Variants in SHANK2 observed in about 807,000 individuals in gnomAD.
SHANK2 encodes the protein SH3 and multiple ankyrin repeat domains 2, also known as SH3 and multiple ankyrin repeat domains protein 2.
Under a neutral mutation model 133.7 loss-of-function variants are expected in SHANK2, and 43 were observed. The observed-to-expected ratio is 0.32, with a 90% CI of 0.25 to 0.41. SHANK2 has a LOEUF of 0.41. Among genes scored for constraint, SHANK2 ranks in the 10% least tolerant of loss-of-function variants. The pLI is 1.00. For missense variants in SHANK2, 1,994 were observed against 2,235.8 expected (o/e 0.89, Z 2.18); for synonymous variants, 1,017 against 952.8 (o/e 1.07, Z -1.24).
intron 14 of SHANK2, among the ~76,000 whole-genome samples, chr11:70,793,988 T>A (rs1947852632): frequency 6.6e-6 from 1 of 152,182 alleles, no homozygotes; most frequent in Non-Finnish European, 1.5e-5. Context: ...AATAAACATT[T>A]ATAAACTGCT....
chr11:70,570,614 T>C (rs530584744), intron 17 of SHANK2: 1 of 152,506 alleles, frequency 6.6e-6, no homozygotes, highest in African/African-American at 2.4e-5. Flanking sequence ...TCCAGTGGTG[T>C]GTGTGGGCTG....
intron 9 of SHANK2, among the ~76,000 whole-genome samples, chr11:71,066,479 C>T (rs1003850667): frequency 1.3e-3 from 199 of 152,144 alleles, no homozygotes; most frequent in African/African-American, 4.6e-3. Flanking sequence ...ATGGGCATGA[C>T]GTAAGAGAAG....
intron 2 of SHANK2, among the ~76,000 whole-genome samples, chr11:71,223,567 T>C (rs147000327): frequency 1.3e-5 from 2 of 152,316 alleles, no homozygotes; most frequent in East Asian, 3.9e-4. Context: ...ACTTAGGTTA[T>C]ATGAAAATAC....
chr11:70,815,571 C>T (rs1590714924), intron 12 of SHANK2, among the ~76,000 whole-genome samples: 1 of 152,200 alleles, frequency 6.6e-6, no homozygotes, highest in Non-Finnish European at 1.5e-5. Context: ...AGGCTGGGCC[C>T]GGTGAGCTCC....
At chr11:70,494,717 C>G (rs547210251) in intron 21 of SHANK2, among the ~76,000 whole-genome samples, 69 of 152,320 alleles carry the variant, frequency 4.5e-4, no homozygotes, top group African/African-American at 1.6e-3. Flanking sequence ...TTTGCCGACC[C>G]CTGGCCTGGA....
At chr11:70,715,912 C>T (rs540617173) in intron 14 of SHANK2, among the ~76,000 whole-genome samples, 18 of 152,332 alleles carry the variant, frequency 1.2e-4, no homozygotes, top group African/African-American at 4.1e-4. Flanking sequence ...GACTTGTCCA[C>T]GGCTGAGCTA....
intron 11 of SHANK2, among the ~76,000 whole-genome samples, chr11:70,887,760 C>T (rs534360454): frequency 6.6e-6 from 1 of 152,280 alleles, no homozygotes; most frequent in South Asian, 2.1e-4. Context: ...TTTTAATTTA[C>T]CCACTTTGAA....
chr11:70,889,469 C>A (rs1949805421), intron 11 of SHANK2, among the ~76,000 whole-genome samples: 1 of 152,212 alleles, frequency 6.6e-6, no homozygotes, highest in Admixed American at 6.5e-5. Context: ...GGGTACACAG[C>A]CCATCCCTGG....
chr11:70,808,022 G>A (rs1320561784), intron 12 of SHANK2, among the ~76,000 whole-genome samples: 1 of 152,118 alleles, frequency 6.6e-6, no homozygotes, highest in Non-Finnish European at 1.5e-5. Context: ...AGAATGGGGA[G>A]TGAGGGTTCA....
Position 70,501,904 on chromosome 11 carries a change from A to G in SHANK2, c.2287+19T>C, listed in dbSNP as rs7928538. 33,433 of 1,559,284 alleles carry G rather than the reference A, an allele frequency of 0.021. 686 individuals carry two copies. Among genetic ancestry groups the G allele is most frequent in the South Asian group, 0.081 (6,830 of 84,468 alleles). The stretch of plus-strand genomic sequence containing the variant: ...GACAGCAGGGGGAGCTGCTTTGGGG[A>G]CCCAGTGGGGCTGCTTACCTTTATC... On this transcript the variant is annotated intron_variant, in intron 20 of 25. Transcript: ENST00000601538.
Position 70,505,783 on chromosome 11 carries a change from G to A in SHANK2, c.2062-2852C>T, listed in dbSNP as rs1167104769. ...TCCTGAGGGCTCGTCGGGCTGATGGGGACTTTAACAGCCTGGCCACTTAGG... is the reference window on the plus strand; with the variant it reads ...TCCTGAGGGCTCGTCGGGCTGATGGAGACTTTAACAGCCTGGCCACTTAGG... On this transcript the variant is annotated intron_variant, in intron 17 of 25. Coordinates refer to ENST00000601538, the MANE Select transcript of SHANK2 (RefSeq NM_012309.5). Among the ~76,000 whole-genome samples the A allele has an allele frequency of 3.3e-5, 5 of 152,038 alleles. No homozygotes were observed. The East Asian group carries it at 9.7e-4, about 29-fold the overall frequency.
intron 11 of SHANK2, among the ~76,000 whole-genome samples, chr11:70,869,925 T>C (rs2135536043): frequency 6.6e-6 from 1 of 152,148 alleles, no homozygotes; most frequent in African/African-American, 2.4e-5. Flanking sequence ...GGCTCTGCCT[T>C]CTCACACACC....
rs1555153169 is a variant in SHANK2, at chr11:70,485,955, A to C, written c.4338T>G (p.Pro1446=). Residue 1446 remains proline (P), a synonymous_variant, in exon 25 of 26, where the codon CCT becomes CCG. Coordinates refer to ENST00000601538, the MANE Select transcript of SHANK2 (RefSeq NM_012309.5). This position sits in a 1 kb window ranked among gnomAD's most constrained non-coding sequence, Gnocchi z 5.8. The part of the protein sequence containing the change: ...DLVKQKKSDT[P]QSPSLNSSQP... ...GGCTGGAGTTCAACGAAGGGGACTG[A>C]GGGGTGTCGCTTTTCTTCTGCTTCA... The C allele has an allele frequency of 6.2e-7, 1 of 1,613,964 alleles. No individual in the cohort carries two copies. The highest frequency in any genetic ancestry group is 8.5e-7 in the Non-Finnish European group (1 of 1,180,018).
At chr11:71,127,040 A>G (rs540053234) in intron 3 of SHANK2, among the ~76,000 whole-genome samples, 70 of 152,314 alleles carry the variant, frequency 4.6e-4, no homozygotes, top group African/African-American at 1.5e-3. Context: ...AGGTGAAAAT[A>G]TCAACATTAA....
chr11:70,758,847 G>T (rs1350933393), intron 14 of SHANK2, among the ~76,000 whole-genome samples: 1 of 152,176 alleles, frequency 6.6e-6, no homozygotes, highest in African/African-American at 2.4e-5. Flanking sequence ...TGGAACAAGG[G>T]GACACCACAG....
intron 2 of SHANK2, among the ~76,000 whole-genome samples, chr11:71,174,483 C>T (rs1444912704): frequency 2.0e-5 from 3 of 151,832 alleles, no homozygotes; most frequent in Non-Finnish European, 4.4e-5. Flanking sequence ...AGTTTGAGAC[C>T]AGCTTGGCCA....
intron 11 of SHANK2, among the ~76,000 whole-genome samples, chr11:70,886,787 T>C (rs190297412): frequency 6.6e-6 from 1 of 152,162 alleles, no homozygotes; most frequent in Non-Finnish European, 1.5e-5. Context: ...TCTATACATA[T>C]CTAAAGCATA....
chr11:70,831,368 A>AC (rs567024983), intron 11 of SHANK2, among the ~76,000 whole-genome samples: 31 of 152,154 alleles, frequency 2.0e-4, no homozygotes, highest in African/African-American at 7.0e-4. Context: ...GAAAAGGGTC[A>AC]CCCCCAAATG....
chr11:70,620,888 G>A (rs2060820712), intron 17 of SHANK2, among the ~76,000 whole-genome samples: 1 of 152,190 alleles, frequency 6.6e-6, no homozygotes, highest in African/African-American at 2.4e-5. Flanking sequence ...ACCTTGATCT[G>A]GGACTTCTAG....
Sources: allele counts gnomAD v4.1 joint callset (sites outside exome capture counted in the v4.1 genomes callset), GRCh38; gene constraint gnomAD v4.1.1; non-coding constraint Gnocchi (gnomAD v3.1); transcripts MANE v1.5; gene names NCBI Gene and HGNC (gene_info 2026-07-23, HGNC 2026-07-21).